TASP1: variants seen among roughly 807,000 people sequenced by gnomAD.
TASP1 encodes the protein threonine aspartase 1.
A neutral mutation model predicts 56.6 loss-of-function variants in TASP1; 16 were observed. That is an observed-to-expected ratio of 0.28 (90% CI 0.19 to 0.43). TASP1 has a LOEUF of 0.43. Ranked by LOEUF, TASP1 falls within the 20% of genes least tolerant of loss-of-function variation. TASP1 has a pLI of 1.00. For synonymous variants in TASP1, 179 were observed against 184.2 expected, an observed-to-expected ratio of 0.97 and a Z score of 0.23; for missense variants, 393 against 511.6, an observed-to-expected ratio of 0.77 and a Z score of 2.24.
At chr20:13,224,733 G>A in the TASP1 span, among the ~76,000 whole-genome samples, 8 of 151,982 alleles carry the variant, frequency 5.3e-5, no homozygotes, top group South Asian at 8.3e-4. Context: ...TATCAAGGAC[G>A]CCCAATAAAG....
At chr20:13,218,268 G>A in the TASP1 span, among the ~76,000 whole-genome samples, 1 of 149,614 alleles carries the variant, frequency 6.7e-6, no homozygotes. Context: ...AAGAATGAAT[G>A]AATGAAAAAG....
chr20:13,344,703 C>G, the TASP1 span, among the ~76,000 whole-genome samples: 1 of 152,276 alleles, frequency 6.6e-6, no homozygotes, highest in Non-Finnish European at 1.5e-5. Flanking sequence ...AGCCAAGTTC[C>G]CCGGCATCCT....
the TASP1 span, among the ~76,000 whole-genome samples, chr20:13,269,567 C>G: frequency 1.3e-5 from 2 of 152,194 alleles, no homozygotes; most frequent in Non-Finnish European, 2.9e-5. Flanking sequence ...AAGCTCATTC[C>G]CATCCTGGAC....
chr20:13,636,809 G>A (rs1271123938), intron 1 of TASP1, among the ~76,000 whole-genome samples: 2 of 152,068 alleles, frequency 1.3e-5, no homozygotes, highest in Non-Finnish European at 2.9e-5. Context: ...GCTAGAACTG[G>A]ATAGCCACAT....
chr20:13,115,696 A>G, the TASP1 span, among the ~76,000 whole-genome samples: 1 of 152,134 alleles, frequency 6.6e-6, no homozygotes, highest in African/African-American at 2.4e-5. Flanking sequence ...AAGGGCTCCC[A>G]CTTTCCCAAG....
the TASP1 span, among the ~76,000 whole-genome samples, chr20:13,234,209 G>A: frequency 2.0e-5 from 3 of 152,266 alleles, no homozygotes; most frequent in East Asian, 1.9e-4. Context: ...AAGGGAGAAC[G>A]TGGTATTCGA....
intron 13 of TASP1, among the ~76,000 whole-genome samples, chr20:13,408,315 C>T (rs114391476): frequency 6.6e-6 from 1 of 152,106 alleles, no homozygotes; most frequent in Admixed American, 6.5e-5. Flanking sequence ...CAATGACTGA[C>T]TTTTGAAATG....
At chr20:13,284,221 G>A in the TASP1 span, among the ~76,000 whole-genome samples, 1 of 152,180 alleles carries the variant, frequency 6.6e-6, no homozygotes, top group Non-Finnish European at 1.5e-5. Context: ...GTTTACTAGT[G>A]GCCAAGTCAA....
chr20:13,253,842 AAC>A, the TASP1 span, among the ~76,000 whole-genome samples: 28,606 of 151,658 alleles, frequency 0.19, 2,796 homozygotes, highest in East Asian at 0.25. Context: ...AAATTAAAAT[AAC>A]ACATACACAT....
chr20:13,218,290 GAA>G, the TASP1 span, among the ~76,000 whole-genome samples: 1 of 151,350 alleles, frequency 6.6e-6, no homozygotes, highest in Admixed American at 6.6e-5. Context: ...AAAAAAAAAG[GAA>G]AGAGAGAGTG....
chr20:13,528,219 C>CAAAAAAAAAAAA (rs397942980), intron 10 of TASP1, among the ~76,000 whole-genome samples: 1 of 54,318 alleles, frequency 1.8e-5, no homozygotes, highest in Non-Finnish European at 3.2e-5. Flanking sequence ...GACTCTGACT[C>CAAAAAAAAAAAA]AAAAAAAAAA....
chr20:13,386,991 G>A (rs185114177), downstream of TASP1, among the ~76,000 whole-genome samples: 437 of 152,148 alleles, frequency 2.9e-3, no homozygotes, highest in African/African-American at 9.9e-3. Context: ...GACCCGATAG[G>A]TGGTTTTTCA....
the TASP1 span, chr20:13,298,954 G>A: frequency 2.5e-6 from 4 of 1,613,450 alleles, no homozygotes; most frequent in Non-Finnish European, 3.4e-6. Flanking sequence ...ACAGACAGCT[G>A]TGAGCGCTGG....
the TASP1 span, among the ~76,000 whole-genome samples, chr20:13,172,035 T>C: frequency 1.3e-5 from 2 of 151,374 alleles, no homozygotes; most frequent in Non-Finnish European, 2.9e-5. Context: ...TCTCAGAATA[T>C]AAAGCAAAGG....
chr20:13,534,749 C>T (rs1438510264), intron 8 of TASP1, among the ~76,000 whole-genome samples: 1 of 152,078 alleles, frequency 6.6e-6, no homozygotes, highest in Non-Finnish European at 1.5e-5. Context: ...AGTGTACGTT[C>T]TTGGAAGGTT....
chr20:13,149,721 A>G, the TASP1 span, among the ~76,000 whole-genome samples: 1 of 152,242 alleles, frequency 6.6e-6, no homozygotes, highest in African/African-American at 2.4e-5. Flanking sequence ...CCTGGATATC[A>G]TCTGTTTGGT....
intron 10 of TASP1, among the ~76,000 whole-genome samples, chr20:13,527,005 C>T (rs2045005800): frequency 6.6e-6 from 1 of 152,050 alleles, no homozygotes; most frequent in Non-Finnish European, 1.5e-5. Flanking sequence ...TAGATACAGA[C>T]ATGGAAGCCA....
At chr20:13,150,838 T>C in the TASP1 span, among the ~76,000 whole-genome samples, 9 of 152,254 alleles carry the variant, frequency 5.9e-5, no homozygotes, top group Admixed American at 2.0e-4. Context: ...AAGCCTGGAA[T>C]ACTCTCCTCT....
intron 10 of TASP1, among the ~76,000 whole-genome samples, chr20:13,503,941 A>C (rs1041791224): frequency 6.6e-6 from 1 of 152,050 alleles, no homozygotes; most frequent in African/African-American, 2.4e-5. Flanking sequence ...AGAAAAAAAA[A>C]TGAAAAGAAA....
Sources: allele counts gnomAD v4.1 joint callset (sites outside exome capture counted in the v4.1 genomes callset), GRCh38; gene constraint gnomAD v4.1.1; transcripts MANE v1.5; gene names NCBI Gene and HGNC (gene_info 2026-07-23, HGNC 2026-07-21).